The following CASZ1 variants were observed in gnomAD, a reference collection of about 807,000 sequenced individuals.
The protein encoded by CASZ1 is zinc finger protein castor homolog 1.
Under a neutral mutation model 135.2 loss-of-function variants are expected in CASZ1, and 28 were observed. The ratio of observed to expected loss-of-function variants is 0.21; its 90% CI spans 0.15 to 0.28. The LOEUF is 0.28. CASZ1 is among the 10% of genes least tolerant of loss of function. The pLI is 1.00. For synonymous variants in CASZ1, 1,068 were observed against 1,073.4 expected, an observed-to-expected ratio of 0.99 and a Z score of 0.10; for missense variants, 2,161 against 2,453.3, an observed-to-expected ratio of 0.88 and a Z score of 2.52.
chr1:10,726,524 C>T lies in CASZ1; in HGVS notation c.-76-20980G>A, dbSNP rs12048257. Reference sequence around the variant, plus strand: ...GGAGGATGCCACCTTTTCCTCGTGCCGCCTCAGGCCAAGCTGAAGGCTGCA... The same window carrying T: ...GGAGGATGCCACCTTTTCCTCGTGCTGCCTCAGGCCAAGCTGAAGGCTGCA... On this transcript the variant is annotated intron_variant, in intron 2 of 20. Coordinates refer to ENST00000377022, the MANE Select transcript of CASZ1 (RefSeq NM_001079843.3). The surrounding 1 kb of genome is among the most constrained non-coding windows in gnomAD (Gnocchi z 5.7). Among the ~76,000 whole-genome samples, 906 of 152,328 alleles carry T rather than the reference C, an allele frequency of 5.9e-3. 28 individuals carry two copies. In the East Asian group the frequency reaches 0.078, roughly 13 times the overall value.
At chr1:10,779,713 G>C (rs1400441425) in intron 1 of CASZ1, among the ~76,000 whole-genome samples, 1 of 152,176 alleles carries the variant, frequency 6.6e-6, no homozygotes, top group Non-Finnish European at 1.5e-5. Flanking sequence ...ACAGCTCTTG[G>C]CATTTGGTAT....
chr1:10,682,330 T>A (rs72641461), intron 4 of CASZ1, among the ~76,000 whole-genome samples: 1 of 150,308 alleles, frequency 6.7e-6, no homozygotes, highest in Non-Finnish European at 1.5e-5. Context: ...CACCGTGAAG[T>A]GGGAGAGGCA....
chr1:10,658,709 G>A (rs888831303), intron 6 of CASZ1, 133 bp from the exon 7 acceptor site: 51 of 755,232 alleles, frequency 6.8e-5, no homozygotes, highest in Admixed American at 1.7e-4. Context: ...AGGCACCCAC[G>A]GTGGGACTGA....
At chr1:10,780,406 C>G (rs1640742058) in intron 1 of CASZ1, among the ~76,000 whole-genome samples, 1 of 152,186 alleles carries the variant, frequency 6.6e-6, no homozygotes, top group Non-Finnish European at 1.5e-5. Flanking sequence ...TCAGGCACCT[C>G]ATTACCAAAA....
chr1:10,781,485 A>C (rs1235876737), intron 1 of CASZ1, among the ~76,000 whole-genome samples: 1 of 152,196 alleles, frequency 6.6e-6, no homozygotes, highest in Non-Finnish European at 1.5e-5. Context: ...TGCCACCTGC[A>C]CGTCCAACAG....
intron 1 of CASZ1, among the ~76,000 whole-genome samples, chr1:10,786,635 T>C (rs1342853946): frequency 6.6e-6 from 1 of 152,194 alleles, no homozygotes; most frequent in African/African-American, 2.4e-5. Context: ...TAGGTACTAT[T>C]ATGCCCATTT....
intron 2 of CASZ1, among the ~76,000 whole-genome samples, chr1:10,748,730 G>A (rs546604879): frequency 2.0e-5 from 3 of 152,228 alleles, no homozygotes; most frequent in African/African-American, 7.2e-5. Context: ...CTGGTTTTAT[G>A]CCTGTAGAGT....
At position 10,638,997 on chromosome 1, in the gene CASZ1, G is replaced by A. The variant is rs983490530; in HGVS notation, c.5225C>T (p.Ala1742Val). The A allele has an allele frequency of 2.2e-4, 218 of 983,232 alleles. No homozygotes were observed. Among genetic ancestry groups the A allele is most frequent in the Non-Finnish European group, 2.6e-4 (216 of 829,798 alleles). 60.9% of individuals were successfully genotyped at this position (983,232 alleles called of 1,614,324 possible). A position where few individuals can be genotyped will look rare whatever the true frequency, so the allele number is the denominator to read the frequency against. Reference protein sequence around the residue: ...GAGARTPALAALAALGAPGPA... With the variant: ...GAGARTPALAVLAALGAPGPA... ...GCCGGGGGCGCCCAGGGCCGCCAGC[G>A]CCGCCAAGGCCGGGGTCCGCGCGCC... The change falls in exon 21 of 21, where the codon GCG becomes GTG. Residue 1742 changes from alanine to valine, a missense_variant. Coordinates refer to ENST00000377022, the MANE Select transcript of CASZ1 (RefSeq NM_001079843.3). This position sits in a 1 kb window ranked among gnomAD's most constrained non-coding sequence, Gnocchi z 5.9.
intron 2 of CASZ1, among the ~76,000 whole-genome samples, chr1:10,722,535 C>A (rs566087342): frequency 6.6e-6 from 1 of 152,370 alleles, no homozygotes; most frequent in African/African-American, 2.4e-5. Flanking sequence ...CTTCTTCTAT[C>A]TTCCTATCAC....
rs566608021 is a variant in CASZ1, at chr1:10,703,129, G to A, written c.-24+2363C>T. ...TCAAAAAGAGGACAGCAAGAGAGAC[G>A]GCAGCAGACCTAGCACGAGAGGAGG... On this transcript the variant is annotated intron_variant, in intron 3 of 20. Transcript: ENST00000377022. 2.2e-4 allele frequency among the ~76,000 whole-genome samples: 33 copies of A among 152,250 alleles called. No homozygotes were observed. The East Asian group carries it at 2.9e-3, about 13-fold the overall frequency.
In CASZ1 at chr1:10,760,701, C is replaced by T. The variant is rs1640355940; in HGVS notation, c.-77G>A. On this transcript the variant is annotated splice_region_variant and 5_prime_UTR_variant, in exon 2 of 21. Transcript: ENST00000377022. ...CATCTTGGGAACCGGAAGCATCTAC[C>T]TTTGCATCCCAAGAGGCCAGGGTCC... 6.6e-6 allele frequency: 1 copy of T among 152,258 alleles called. No homozygotes were observed. The highest frequency in any genetic ancestry group is 1.5e-5 in the Non-Finnish European group (1 of 68,094). The allele number at this position is 152,258 out of a possible 1,614,324, so 9.4% of individuals were successfully genotyped here.
At position 10,782,116 on chromosome 1, in the gene CASZ1, C is replaced by G. The variant is rs548490336; in HGVS notation, c.-234+14448G>C. 7.2e-5 allele frequency among the ~76,000 whole-genome samples: 11 copies of G among 152,360 alleles called. No homozygotes were observed. In the East Asian group the frequency reaches 1.9e-3, roughly 27 times the overall value. On this transcript the variant is annotated intron_variant, in intron 1 of 20. Transcript: ENST00000377022. Reference sequence around the variant, plus strand: ...CAGAAATAGGAAAGACGCTACCCCTCTATAGAGACAGGTTGGTCAGGCTAA... The same window carrying G: ...CAGAAATAGGAAAGACGCTACCCCTGTATAGAGACAGGTTGGTCAGGCTAA...
rs766570342 is a variant in CASZ1 at position 10,644,921 on chromosome 1, C to T, written c.3864G>A (p.Arg1288=). 2 of 1,612,758 alleles carry T rather than the reference C, an allele frequency of 1.2e-6. No individual in the cohort carries two copies. The highest frequency in any genetic ancestry group is 1.7e-6 in the Non-Finnish European group (2 of 1,179,352). The change falls in exon 18 of 21, where the codon AGG becomes AGA. Residue 1288 remains arginine (R), a synonymous_variant. Transcript: ENST00000377022. ...CGCAGCCCCAGCCCTCGGTACCTAGCCTGCCACACTCCTCGCGCTTGGTGA... is the reference window on the plus strand; with the variant it reads ...CGCAGCCCCAGCCCTCGGTACCTAGTCTGCCACACTCCTCGCGCTTGGTGA... ...KYFTKREECG[R]LGCKYNQVNS...
At chr1:10,792,223 T>TG (rs1309511318) in intron 1 of CASZ1, among the ~76,000 whole-genome samples, 12 of 148,362 alleles carry the variant, frequency 8.1e-5, no homozygotes, top group Non-Finnish European at 1.5e-4. Context: ...GAGTCAGTTT[T>TG]TTTTTTTTTT....
At chr1:10,740,374 C>G (rs1018278039) in intron 2 of CASZ1, among the ~76,000 whole-genome samples, 1 of 152,236 alleles carries the variant, frequency 6.6e-6, no homozygotes, top group Non-Finnish European at 1.5e-5. Context: ...CGGGCTTCAG[C>G]TCCACATCTG....
chr1:10,657,153 T>C lies in CASZ1; in HGVS notation c.1410-417A>G, dbSNP rs569417602. ...GATGCTGAGAGGTGTTAAAGGGCTCTCTCTGTCCTGGGCTTTTCCTGACAC... is the reference window on the plus strand; with the variant it reads ...GATGCTGAGAGGTGTTAAAGGGCTCCCTCTGTCCTGGGCTTTTCCTGACAC... On this transcript the variant is annotated intron_variant, in intron 7 of 20. Transcript: ENST00000377022. This position sits in a 1 kb window ranked among gnomAD's most constrained non-coding sequence, Gnocchi z 5.7. Among the ~76,000 whole-genome samples the C allele has an allele frequency of 3.9e-4, 59 of 152,334 alleles. No homozygotes were observed. Among genetic ancestry groups the C allele is most frequent in the Non-Finnish European group, 7.5e-4 (51 of 68,022 alleles).
chr1:10,685,796 A>G (rs1182164520), intron 4 of CASZ1, among the ~76,000 whole-genome samples: 2 of 152,168 alleles, frequency 1.3e-5, no homozygotes, highest in Non-Finnish European at 2.9e-5. Flanking sequence ...CTGCTTCTTC[A>G]AAAACCTCGA....
Position 10,758,763 on chromosome 1 carries a change from T to C in CASZ1, c.-77+1938A>G, listed in dbSNP as rs76441509. Among the ~76,000 whole-genome samples the C allele has an allele frequency of 1.5e-3, 231 of 152,262 alleles. 8 individuals are homozygous for C. In the East Asian group the frequency reaches 0.04, roughly 27 times the overall value. Reference sequence around the variant, plus strand: ...GCACAGGCTTGCCCCCTGGTCCACATTGGTGAGGCAGGACAGCTCTGAGAC... The same window carrying C: ...GCACAGGCTTGCCCCCTGGTCCACACTGGTGAGGCAGGACAGCTCTGAGAC... On this transcript the variant is annotated intron_variant, in intron 2 of 20. Coordinates refer to ENST00000377022, the MANE Select transcript of CASZ1 (RefSeq NM_001079843.3).
In CASZ1 at chr1:10,697,593, C is replaced by A. The variant is rs1008141821; in HGVS notation, c.-23-3681G>T. On this transcript the variant is annotated intron_variant, in intron 3 of 20. Transcript: ENST00000377022. The surrounding 1 kb of genome is among the most constrained non-coding windows in gnomAD (Gnocchi z 4.7). ...ACTGCTATCGCTGGTTCCTGTTACCCCCCCCGCACCCCCAAGTTGCCCACC... is the reference window on the plus strand; with the variant it reads ...ACTGCTATCGCTGGTTCCTGTTACCACCCCCGCACCCCCAAGTTGCCCACC... Among the ~76,000 whole-genome samples the A allele has an allele frequency of 6.6e-6, 1 of 151,686 alleles. No homozygotes were observed. Among genetic ancestry groups the A allele is most frequent in the African/African-American group, 2.4e-5 (1 of 41,256 alleles).
Sources: allele counts gnomAD v4.1 joint callset (sites outside exome capture counted in the v4.1 genomes callset), GRCh38; gene constraint gnomAD v4.1.1; non-coding constraint Gnocchi (gnomAD v3.1); transcripts MANE v1.5; gene names NCBI Gene and HGNC (gene_info 2026-07-23, HGNC 2026-07-21).